CNTN5: variants seen among roughly 807,000 people sequenced by gnomAD.
CNTN5 encodes the protein contactin 5.
A neutral mutation model predicts 129.1 loss-of-function variants in CNTN5; 77 were observed. The ratio of observed to expected loss-of-function variants is 0.60; its 90% CI spans 0.50 to 0.72. The LOEUF is 0.72. Ranked by LOEUF, CNTN5 falls within the 30% of genes least tolerant of loss-of-function variation. The probability of loss-of-function intolerance (pLI) is 0.00; values close to 1 mark genes in which losing one functional copy is unlikely to be tolerated. For synonymous variants in CNTN5, 509 were observed against 465.6 expected (o/e 1.09, Z -1.20); for missense variants, 1,478 against 1,328.8 (o/e 1.11, Z -1.75).
intron 2 of CNTN5, among the ~76,000 whole-genome samples, chr11:99,422,662 G>C (rs369028535): frequency 6.6e-6 from 1 of 151,190 alleles, no homozygotes; most frequent in Non-Finnish European, 1.5e-5. Flanking sequence ...AGGGAATAGA[G>C]AGGGTTTTTT....
chr11:99,642,408 T>C (rs1012638661), intron 3 of CNTN5, among the ~76,000 whole-genome samples: 1 of 152,212 alleles, frequency 6.6e-6, no homozygotes, highest in African/African-American at 2.4e-5. Flanking sequence ...TTATAAACAC[T>C]CCATATGTGC....
Position 99,182,539 on chromosome 11 carries a change from T to A in CNTN5, c.-209-142807T>A, listed in dbSNP as rs138406338. Among the ~76,000 whole-genome samples the A allele has an allele frequency of 4.4e-3, 672 of 152,220 alleles. 15 individuals are homozygous for A. The highest frequency in any genetic ancestry group is 0.029 in the Admixed American group (444 of 15,270). The stretch of plus-strand genomic sequence containing the variant: ...GTAACATCTTAGAGGAGCTCTGCAA[T>A]GCTGTGACATGGTGAGTGTATCAAG... On this transcript the variant is annotated intron_variant, in intron 1 of 24. Transcript: ENST00000524871.
chr11:99,845,152 C>A lies in CNTN5; in HGVS notation c.467C>A (p.Thr156Asn), dbSNP rs1463459682. Residue 156 changes from threonine to asparagine, a missense_variant, in exon 6 of 25, where the codon ACC becomes AAC. Physicochemically the swap from Thr to Asn is moderately conservative, Grantham distance 65. Coordinates refer to ENST00000524871, the MANE Select transcript of CNTN5 (RefSeq NM_014361.4). The part of the protein sequence containing the change: ...SDYRYSLIDG[T>N]FIISNPSEAK... ...TATCGCTACAGTTTGATAGATGGCA[C>A]CTTCATTATAAGCAATCCAAGTGAA... The A allele has an allele frequency of 6.2e-7, 1 of 1,613,642 alleles. No homozygotes were observed. Among genetic ancestry groups the A allele is most frequent in the Non-Finnish European group, 8.5e-7 (1 of 1,179,822 alleles).
At chr11:99,261,974 C>G (rs892011685) in intron 1 of CNTN5, among the ~76,000 whole-genome samples, 1 of 151,976 alleles carries the variant, frequency 6.6e-6, no homozygotes, top group African/African-American at 2.4e-5. Flanking sequence ...AAGGATATTC[C>G]TTAGCCTAAA....
intron 2 of CNTN5, among the ~76,000 whole-genome samples, chr11:99,544,324 T>C (rs536757220): frequency 6.6e-5 from 10 of 152,278 alleles, no homozygotes; most frequent in Admixed American, 5.2e-4. Flanking sequence ...CAACATGAGA[T>C]TTAGAGGTTA....
chr11:99,786,581 A>G (rs1017506814), intron 3 of CNTN5, among the ~76,000 whole-genome samples: 3 of 152,232 alleles, frequency 2.0e-5, no homozygotes, highest in African/African-American at 4.8e-5. Flanking sequence ...AGCTGGAGGC[A>G]TTAAGCTACC....
At chr11:100,276,141 T>G (rs920073730) in intron 18 of CNTN5, among the ~76,000 whole-genome samples, 5 of 152,166 alleles carry the variant, frequency 3.3e-5, no homozygotes, top group African/African-American at 9.7e-5. Flanking sequence ...TCCAAAGCAG[T>G]GCAGTGAACT....
intron 3 of CNTN5, among the ~76,000 whole-genome samples, chr11:99,590,424 C>T (rs1949942264): frequency 6.6e-6 from 1 of 152,138 alleles, no homozygotes; most frequent in Non-Finnish European, 1.5e-5. Flanking sequence ...TCTGAAATTC[C>T]TCCACTCCTC....
intron 21 of CNTN5, among the ~76,000 whole-genome samples, chr11:100,333,682 G>A (rs753872244): frequency 1.3e-4 from 20 of 152,038 alleles, no homozygotes; most frequent in Non-Finnish European, 2.5e-4. Flanking sequence ...ACATAAAGTG[G>A]GAAAGGACAC....
chr11:99,769,172 AC>A (rs1473269468), intron 3 of CNTN5, among the ~76,000 whole-genome samples: 1 of 152,098 alleles, frequency 6.6e-6, no homozygotes, highest in Non-Finnish European at 1.5e-5. Flanking sequence ...ACCACTTCAA[AC>A]TGGCAACTTT....
intron 3 of CNTN5, among the ~76,000 whole-genome samples, chr11:99,595,600 T>C (rs117905301): frequency 0.039 from 5,995 of 152,186 alleles, 148 homozygotes; most frequent in South Asian, 0.086. Flanking sequence ...CAGGAACATA[T>C]GATAAGCCAT....
intron 8 of CNTN5, 134 bp downstream of exon 8, chr11:99,957,143 C>G (rs1020840120): frequency 4.1e-6 from 3 of 729,722 alleles, no homozygotes; most frequent in Non-Finnish European, 4.4e-6. Context: ...TTAGACACTA[C>G]ATTTTTAGGC....
intron 13 of CNTN5, among the ~76,000 whole-genome samples, chr11:100,179,096 T>C (rs946656839): frequency 6.6e-6 from 1 of 152,172 alleles, no homozygotes; most frequent in African/African-American, 2.4e-5. Flanking sequence ...CCCTCAGTTA[T>C]TCTAAAATGT....
At chr11:99,164,411 T>C (rs1003460461) in intron 1 of CNTN5, among the ~76,000 whole-genome samples, 1 of 151,700 alleles carries the variant, frequency 6.6e-6, no homozygotes, top group Non-Finnish European at 1.5e-5. Flanking sequence ...TACAATACTT[T>C]AAAAAACTCT....
chr11:99,819,300 C>CT (rs1946695486), intron 3 of CNTN5, among the ~76,000 whole-genome samples: 2 of 57,272 alleles, frequency 3.5e-5, no homozygotes, highest in Non-Finnish European at 6.9e-5. Context: ...CTCTCCTCCC[C>CT]TTCCCTCCCC....
chr11:99,339,173 C>A (rs1231890725), intron 2 of CNTN5, among the ~76,000 whole-genome samples: 1 of 127,918 alleles, frequency 7.8e-6, no homozygotes. Flanking sequence ...TATGTACCTA[C>A]AAAAATTAAA....
intron 3 of CNTN5, among the ~76,000 whole-genome samples, chr11:99,576,883 C>G (rs1327172988): frequency 6.6e-6 from 1 of 152,158 alleles, no homozygotes; most frequent in African/African-American, 2.4e-5. Context: ...AAGTTCTCAT[C>G]TCTTCATACT....
chr11:100,220,013 C>T (rs1027655026), intron 15 of CNTN5, among the ~76,000 whole-genome samples: 1 of 151,820 alleles, frequency 6.6e-6, no homozygotes, highest in African/African-American at 2.4e-5. Context: ...CGTGGTGGCT[C>T]ATGCCTGTAA....
intron 1 of CNTN5, among the ~76,000 whole-genome samples, chr11:99,258,935 G>GT (rs918378154): frequency 2.0e-5 from 3 of 151,792 alleles, no homozygotes; most frequent in Non-Finnish European, 4.4e-5. Flanking sequence ...ACTGATTTGT[G>GT]TTTTTTTATT....
Sources: allele counts gnomAD v4.1 joint callset (sites outside exome capture counted in the v4.1 genomes callset), GRCh38; gene constraint gnomAD v4.1.1; transcripts MANE v1.5; gene names NCBI Gene and HGNC (gene_info 2026-07-23, HGNC 2026-07-21).